The following ANKRD16 variants were observed in gnomAD, a reference collection of about 807,000 sequenced individuals.
ANKRD16 encodes the protein ankyrin repeat domain 16, also known as ankyrin repeat domain-containing protein 16.
ANKRD16 carries 35 observed loss-of-function variants against 37.9 expected under a neutral mutation model. That is an observed-to-expected ratio of 0.92 (90% CI 0.71 to 1.23). The LOEUF (loss-of-function observed/expected upper bound fraction) is 1.23, where lower values mean the gene tolerates loss of function less well. ANKRD16 is among the 50% of genes most tolerant of loss of function. The pLI, the probability that ANKRD16 is intolerant of heterozygous loss-of-function variation, is 0.00. For synonymous variants in ANKRD16, 206 were observed against 197.2 expected (o/e 1.04, Z -0.37); for missense variants, 480 against 469.9 (o/e 1.02, Z -0.20).
Position 5,878,141 on chromosome 10 carries a change from C to A in ANKRD16, c.1075G>T (p.Ala359Ser), listed in dbSNP as rs772833678. ...TCTTGGAAACATCCTTATGTCATTG[C>A]GCTATGGCCAGAGCCCTGAAGGACA... is the stretch of plus-strand genomic sequence containing the variant. Reference protein sequence around the residue: ...ADVLQGSGHSAMT With the variant: ...ADVLQGSGHSSMT Residue 359 changes from alanine to serine, a missense_variant, in exon 7 of 8, where the codon GCA (alanine) becomes TCA (serine). By Grantham distance (99) the Ala-to-Ser change is moderately conservative (BLOSUM62 1). Coordinates refer to ENST00000380094, the MANE Select transcript of ANKRD16 (RefSeq NM_019046.3). The surrounding 1 kb of genome is among the most constrained non-coding windows in gnomAD (Gnocchi z 5.1). The A allele has an allele frequency of 2.5e-6, 4 of 1,613,762 alleles. No individual in the cohort carries two copies. In the South Asian group the frequency reaches 4.4e-5, roughly 18 times the overall value.
rs1181095104 is a variant in ANKRD16 at position 5,864,765 on chromosome 10, T to C, written c.*34-2074A>G. Reference sequence around the variant, plus strand: ...CTGGAGTTGTAAACATCTGCTGATCTGTGTTCTAGAAGGACAAAGGAGAAT... The same window carrying C: ...CTGGAGTTGTAAACATCTGCTGATCCGTGTTCTAGAAGGACAAAGGAGAAT... On this transcript the variant is annotated intron_variant, in intron 7 of 7. Transcript: ENST00000380094. This position sits in a 1 kb window ranked among gnomAD's most constrained non-coding sequence, Gnocchi z 4.4. Among the ~76,000 whole-genome samples, 1 of 152,210 alleles carries C rather than the reference T, an allele frequency of 6.6e-6. No individual in the cohort carries two copies. Among genetic ancestry groups the C allele is most frequent in the East Asian group, 1.9e-4 (1 of 5,200 alleles).
chr10:5,869,129 T>C lies in ANKRD16; in HGVS notation c.*34-6438A>G, dbSNP rs779245300. ...CTTTAGTGATAGTGTAGTTTATGTGTGGCCCAAGACAATCATTCTTCTTCC... is the reference window on the plus strand; with the variant it reads ...CTTTAGTGATAGTGTAGTTTATGTGCGGCCCAAGACAATCATTCTTCTTCC... On this transcript the variant is annotated intron_variant, in intron 7 of 7. Coordinates refer to ENST00000380094, the MANE Select transcript of ANKRD16 (RefSeq NM_019046.3). The surrounding 1 kb of genome is among the most constrained non-coding windows in gnomAD (Gnocchi z 4.0). Among the ~76,000 whole-genome samples, 5 of 152,144 alleles carry C rather than the reference T, an allele frequency of 3.3e-5. No individual in the cohort carries two copies. The highest frequency in any genetic ancestry group is 1.3e-4 in the Admixed American group (2 of 15,278).
intron 5 of ANKRD16, among the ~76,000 whole-genome samples, chr10:5,881,438 T>TTATATATA (rs869185709): frequency 3.8e-3 from 192 of 50,872 alleles, no homozygotes; most frequent in African/African-American, 5.6e-3. Context: ...AAAATATTAT[T>TTATATATA]TATATATATA....
At position 5,863,196 on chromosome 10, in the gene ANKRD16, G is replaced by C. The variant is rs1841965969; in HGVS notation, c.*34-505C>G. ...GCAGATCCCACAGGAGAGGGAAGGG[G>C]GAGCTGCTCTCAATTCAGATCAAGT... On this transcript the variant is annotated intron_variant, in intron 7 of 7. Coordinates refer to ENST00000380094, the MANE Select transcript of ANKRD16 (RefSeq NM_019046.3). The surrounding 1 kb of genome is among the most constrained non-coding windows in gnomAD (Gnocchi z 4.7). Among the ~76,000 whole-genome samples, 1 of 152,058 alleles carries C rather than the reference G, an allele frequency of 6.6e-6. No homozygotes were observed. Among genetic ancestry groups the C allele is most frequent in the African/African-American group, 2.4e-5 (1 of 41,386 alleles).
At chr10:5,886,498 C>T (rs557635582) in intron 2 of ANKRD16, among the ~76,000 whole-genome samples, 6 of 152,192 alleles carry the variant, frequency 3.9e-5, no homozygotes, top group East Asian at 1.9e-4. Flanking sequence ...GACTGAGGCA[C>T]GTGAATTGCT....
rs1841999637 is a variant in ANKRD16 at position 5,865,444 on chromosome 10, A to G, written c.*34-2753T>C. On this transcript the variant is annotated intron_variant, in intron 7 of 7. Transcript: ENST00000380094. The surrounding 1 kb of genome is among the most constrained non-coding windows in gnomAD (Gnocchi z 4.7). ...CAGGTATGTTTAACTATTGAGGGCCAGGAAATCGACTTCCTCCTGGACAGT... is the reference window on the plus strand; with the variant it reads ...CAGGTATGTTTAACTATTGAGGGCCGGGAAATCGACTTCCTCCTGGACAGT... Among the ~76,000 whole-genome samples the G allele has an allele frequency of 2.6e-5, 4 of 152,212 alleles. No individual in the cohort carries two copies. The highest frequency in any genetic ancestry group is 2.6e-4 in the Admixed American group (4 of 15,278).
intron 7 of ANKRD16, among the ~76,000 whole-genome samples, chr10:5,877,842 C>T (rs935060256): frequency 6.6e-6 from 1 of 152,172 alleles, no homozygotes; most frequent in Non-Finnish European, 1.5e-5. Context: ...ACAGCCTGAT[C>T]GCGCAAACGT....
chr10:5,888,962 G>C, intron 1 of ANKRD16, 79 bp downstream of exon 1: 2 of 1,392,766 alleles, frequency 1.4e-6, no homozygotes, highest in South Asian at 1.5e-5. Flanking sequence ...CGGTGTCCAA[G>C]GGGACGGAGA....
chr10:5,862,483 G>A lies in ANKRD16; in HGVS notation c.*242C>T. On this transcript the variant is annotated 3_prime_UTR_variant, in exon 8 of 8. Transcript: ENST00000380094. This position sits in a 1 kb window ranked among gnomAD's most constrained non-coding sequence, Gnocchi z 6.5. ...GTGATGTCATCAGCAACCATTTTTG[G>A]AGACAGACCCAGGGAGCTGACCTTG... The A allele has an allele frequency of 1.6e-6, 1 of 642,926 alleles. No homozygotes were observed. Among genetic ancestry groups the A allele is most frequent in the South Asian group, 1.6e-5 (1 of 62,508 alleles). The allele number at this position is 642,926 out of a possible 1,614,324, so 39.8% of individuals were successfully genotyped here.
rs1841953438 is a variant in ANKRD16, at chr10:5,862,164, A to G, written c.*561T>C. The stretch of plus-strand genomic sequence containing the variant: ...ATGATCCTCCCGCCTCGGCCTCCCA[A>G]AGTGCTGGGATTACAGGCATGAGCC... On this transcript the variant is annotated 3_prime_UTR_variant, in exon 8 of 8. Transcript: ENST00000380094. The surrounding 1 kb of genome is among the most constrained non-coding windows in gnomAD (Gnocchi z 6.5). The G allele has an allele frequency of 4.7e-6, 1 of 214,820 alleles. No homozygotes were observed. The highest frequency in any genetic ancestry group is 9.6e-6 in the Non-Finnish European group (1 of 104,376). 13.3% of individuals were successfully genotyped at this position (214,820 alleles called of 1,614,324 possible). A position where few individuals can be genotyped will look rare whatever the true frequency, so the allele number is the denominator to read the frequency against.
rs1842060588 is a variant in ANKRD16, at chr10:5,869,776, G to A, written c.*34-7085C>T. Among the ~76,000 whole-genome samples the A allele has an allele frequency of 6.7e-6, 1 of 150,184 alleles. No individual in the cohort carries two copies. Among genetic ancestry groups the A allele is most frequent in the Non-Finnish European group, 1.5e-5 (1 of 67,538 alleles). ...AAGCAGCTGGGGGTTGCTGGGGGGA[G>A]GGGTGGGTGGGTGGGAATCTGCATC... On this transcript the variant is annotated intron_variant, in intron 7 of 7. Transcript: ENST00000380094. This position sits in a 1 kb window ranked among gnomAD's most constrained non-coding sequence, Gnocchi z 4.0.
intron 2 of ANKRD16, 53 bp from the exon 3 acceptor site, chr10:5,885,818 T>C: frequency 1.3e-6 from 2 of 1,555,920 alleles, no homozygotes; most frequent in East Asian, 2.3e-5. Flanking sequence ...ACACACAAAA[T>C]GCTTCCTGCC....
chr10:5,873,303 A>T (rs528490273), intron 7 of ANKRD16, among the ~76,000 whole-genome samples: 7 of 150,066 alleles, frequency 4.7e-5, no homozygotes, highest in Middle Eastern at 6.9e-3. Context: ...GTGCTGGGAT[A>T]ACAGGCATGA....
rs745925041 is a variant in ANKRD16 at position 5,887,904 on chromosome 10, A to G, written c.478T>C (p.Cys160Arg). 80 of 1,614,094 alleles carry G rather than the reference A, an allele frequency of 5.0e-5. No individual in the cohort carries two copies. The highest frequency in any genetic ancestry group is 1.6e-4 in the Middle Eastern group (1 of 6,082). ...PLILQYLLTVCPGAWKTESKI... is the reference protein window; with the variant it reads ...PLILQYLLTVRPGAWKTESKI... ...CTCTCTGTCTTCCAGGCACCTGGGC[A>G]AACAGTGAGCAGGTACTGGAGGATC... Residue 160 changes from cysteine to arginine, a missense_variant, in exon 2 of 8, where the codon TGC (cysteine) becomes CGC (arginine). Physicochemically the swap from Cys to Arg is radical, Grantham distance 180. Transcript: ENST00000380094.
rs565814422 is a variant in ANKRD16, at chr10:5,869,611, C to T, written c.*34-6920G>A. 3.3e-5 allele frequency among the ~76,000 whole-genome samples: 5 copies of T among 152,228 alleles called. No individual in the cohort carries two copies. The highest frequency in any genetic ancestry group is 1.9e-4 in the East Asian group (1 of 5,176). ...TGGTGTTTCCCAGCACCAAGGGCCC[C>T]AGCTCCTGCTCAGCACCCTTCTGCT... On this transcript the variant is annotated intron_variant, in intron 7 of 7. Transcript: ENST00000380094. The surrounding 1 kb of genome is among the most constrained non-coding windows in gnomAD (Gnocchi z 4.0).
chr10:5,872,823 T>A (rs144875274), intron 7 of ANKRD16, among the ~76,000 whole-genome samples: 1 of 151,882 alleles, frequency 6.6e-6, no homozygotes, highest in Admixed American at 6.6e-5. Flanking sequence ...CCCAAAGTGC[T>A]GGCATTACAG....
At chr10:5,883,588 C>T (rs1474214477) in intron 4 of ANKRD16, among the ~76,000 whole-genome samples, 5 of 152,188 alleles carry the variant, frequency 3.3e-5, no homozygotes, top group Non-Finnish European at 7.3e-5. Flanking sequence ...AGCCATCACG[C>T]CCTGCTCTCA....
chr10:5,885,892 G>A lies in ANKRD16; in HGVS notation c.536-127C>T, dbSNP rs554109715. ...CTTACAAGAAGGAGTCATTAAATTG[G>A]GTACACTGTTACCGCCCTACACGAA... is the stretch of plus-strand genomic sequence containing the variant. On this transcript the variant is annotated intron_variant, in intron 2 of 7. Coordinates refer to ENST00000380094, the MANE Select transcript of ANKRD16 (RefSeq NM_019046.3). 1.1e-4 allele frequency: 93 copies of A among 875,332 alleles called. 1 individual carries two copies. The South Asian group carries it at 1.5e-3, about 14-fold the overall frequency. The allele number at this position is 875,332 out of a possible 1,614,324, so 54.2% of individuals were successfully genotyped here.
At chr10:5,885,092 T>A (rs533692128) in intron 3 of ANKRD16, among the ~76,000 whole-genome samples, 5 of 152,236 alleles carry the variant, frequency 3.3e-5, no homozygotes, top group Non-Finnish European at 7.3e-5. Context: ...CTGTCTTTCC[T>A]GCCAGTCTGT....
Sources: allele counts gnomAD v4.1 joint callset (sites outside exome capture counted in the v4.1 genomes callset), GRCh38; gene constraint gnomAD v4.1.1; non-coding constraint Gnocchi (gnomAD v3.1); transcripts MANE v1.5; gene names NCBI Gene and HGNC (gene_info 2026-07-23, HGNC 2026-07-21).